Variants in LAMA4 observed in about 807,000 individuals in gnomAD.
LAMA4 encodes laminin subunit alpha 4.
A neutral mutation model predicts 207.1 loss-of-function variants in LAMA4; 127 were observed. That is an observed-to-expected ratio of 0.61 (90% CI 0.53 to 0.71). The LOEUF (loss-of-function observed/expected upper bound fraction) is 0.71, where lower values mean the gene tolerates loss of function less well. Ranked by LOEUF, LAMA4 falls within the 30% of genes least tolerant of loss-of-function variation. The pLI is 0.00. For missense variants in LAMA4, 2,093 were observed against 2,246.5 expected (o/e 0.93, Z 1.38); for synonymous variants, 761 against 816.0 (o/e 0.93, Z 1.15).
chr6:112,213,501 T>C (rs1489240080), intron 3 of LAMA4: 5 of 152,212 alleles, frequency 3.3e-5, no homozygotes, highest in African/African-American at 9.7e-5. Flanking sequence ...CCAGTTCTCA[T>C]AAGATGCAAA....
intron 14 of LAMA4, among the ~76,000 whole-genome samples, chr6:112,156,463 T>C (rs768084090): frequency 6.6e-6 from 1 of 152,224 alleles, no homozygotes; most frequent in Non-Finnish European, 1.5e-5. Flanking sequence ...ATTTCCTGAA[T>C]TGGGATTTTA....
At chr6:112,246,322 GT>G (rs1786920555) in intron 2 of LAMA4, among the ~76,000 whole-genome samples, 1 of 152,128 alleles carries the variant, frequency 6.6e-6, no homozygotes, top group Admixed American at 6.5e-5. Context: ...TAGCAATCTG[GT>G]TTTAATGGCT....
chr6:112,122,036 A>C lies in LAMA4; in HGVS notation c.4453T>G (p.Leu1485Val), dbSNP rs1443812377. ...TACTTGGCACCAAAATCTCCTTTTA[A>C]GTGTTCAAACTCTTGGCGGCTGTTG... ...TANSRQEFEH[L>V]KGDFGAKSQF... Residue 1485 changes from leucine (L) to valine (V), a missense_variant, in exon 32 of 39, where the codon TTA becomes GTA. By Grantham distance (32) the Leu-to-Val change is conservative (BLOSUM62 1). Coordinates refer to ENST00000230538, the MANE Select transcript of LAMA4 (RefSeq NM_001105206.3). 6.2e-7 allele frequency: 1 copy of C among 1,613,898 alleles called. No homozygotes were observed. Among genetic ancestry groups the C allele is most frequent in the Non-Finnish European group, 8.5e-7 (1 of 1,179,934 alleles).
rs541858161 is a variant in LAMA4, at chr6:112,178,442, C to T, written c.1078-210G>A. 3.8e-4 allele frequency: 210 copies of T among 554,052 alleles called. 1 individual carries two copies. In the South Asian group the frequency reaches 3.8e-3, roughly 10 times the overall value. 34.3% of individuals were successfully genotyped at this position (554,052 alleles called of 1,614,324 possible). A position where few individuals can be genotyped will look rare whatever the true frequency, so the allele number is the denominator to read the frequency against. On this transcript the variant is annotated intron_variant, in intron 9 of 38. Transcript: ENST00000230538. ...CTTTTAAAAAATTTTTTAATTTTTC[C>T]GTAAGTTATTGGGGTATAGGTGGTA...
chr6:112,232,414 G>T (rs922613027), intron 2 of LAMA4, among the ~76,000 whole-genome samples: 21 of 151,982 alleles, frequency 1.4e-4, no homozygotes, highest in Non-Finnish European at 2.5e-4. Flanking sequence ...TTATTTAAGG[G>T]TATTTTGTAT....
chr6:112,173,994 G>A (rs1402621523), intron 11 of LAMA4, among the ~76,000 whole-genome samples: 1 of 152,186 alleles, frequency 6.6e-6, no homozygotes, highest in African/African-American at 2.4e-5. Flanking sequence ...ATCTAAAGGT[G>A]GATCTAATAG....
chr6:112,171,857 G>T (rs1190162371), intron 12 of LAMA4: 1 of 152,226 alleles, frequency 6.6e-6, no homozygotes, highest in Non-Finnish European at 1.5e-5. Flanking sequence ...TAGTTTAAGT[G>T]GCTTTTGCCA....
At chr6:112,226,049 C>G (rs1280316314) in intron 2 of LAMA4, among the ~76,000 whole-genome samples, 3 of 152,170 alleles carry the variant, frequency 2.0e-5, no homozygotes, top group Non-Finnish European at 4.4e-5. Flanking sequence ...CTCTGAAATA[C>G]TACCAAGGAG....
intron 3 of LAMA4, among the ~76,000 whole-genome samples, chr6:112,210,954 A>G (rs555652483): frequency 6.6e-6 from 1 of 152,346 alleles, no homozygotes; most frequent in African/African-American, 2.4e-5. Flanking sequence ...ATTGGTATAT[A>G]TAGTCCACAT....
At chr6:112,137,972 G>C (rs1779454883) in intron 24 of LAMA4, among the ~76,000 whole-genome samples, 1 of 151,748 alleles carries the variant, frequency 6.6e-6, no homozygotes, top group Non-Finnish European at 1.5e-5. Flanking sequence ...TTTTTTTTGA[G>C]GACGGTTATA....
chr6:112,187,175 G>T, intron 8 of LAMA4: 2 of 527,186 alleles, frequency 3.8e-6, no homozygotes, highest in South Asian at 2.0e-5. Flanking sequence ...TTCCTCAGTA[G>T]TTTTGGGCAT....
intron 8 of LAMA4, among the ~76,000 whole-genome samples, chr6:112,187,089 T>C (rs6938044): frequency 0.6 from 90,798 of 152,128 alleles, 28,707 homozygotes; most frequent in African/African-American, 0.81. Flanking sequence ...AAGGAAATGG[T>C]AGCCTTGCAG....
chr6:112,170,728 T>C lies in LAMA4; in HGVS notation c.1551+1883A>G, dbSNP rs114786161. On this transcript the variant is annotated intron_variant, in intron 12 of 38. Transcript: ENST00000230538. ...AAAGAAGACAGATTCCCTTACTTTT[T>C]GGAGCCCTGAGTTCAATGGGGAAGA... Among the ~76,000 whole-genome samples the C allele has an allele frequency of 2.0e-3, 310 of 152,324 alleles. 3 individuals are homozygous for C. The highest frequency in any genetic ancestry group is 7.3e-3 in the African/African-American group (302 of 41,558).
intron 28 of LAMA4, among the ~76,000 whole-genome samples, chr6:112,131,389 C>T (rs1442367880): frequency 9.2e-5 from 14 of 152,066 alleles, no homozygotes. Flanking sequence ...AGTTACTTTC[C>T]TACTTTCAAT....
Position 112,158,838 on chromosome 6 carries a change from C to T in LAMA4, c.1711G>A (p.Glu571Lys), listed in dbSNP as rs1271908788. ...IYAEIDGAKS[E>K]LQVKLSNLSN... ...AGGTTAGATAGTTTTACTTGTAGTT[C>T]ACTTTTGGCTCCATCTATTTCTGCA... Residue 571 changes from glutamate to lysine, a missense_variant, in exon 14 of 39, where the codon GAA becomes AAA. This residue lies in a region of LAMA4 where 1,704 missense variants were observed against 1,788.4 expected (regional missense o/e 0.95). Transcript: ENST00000230538. The T allele has an allele frequency of 5.0e-6, 8 of 1,612,810 alleles. No individual in the cohort carries two copies. Among genetic ancestry groups the T allele is most frequent in the Non-Finnish European group, 6.8e-6 (8 of 1,179,024 alleles).
At chr6:112,134,415 G>T in intron 26 of LAMA4, 52 bp downstream of exon 26, 1 of 1,592,220 alleles carries the variant, frequency 6.3e-7, no homozygotes, top group Non-Finnish European at 8.6e-7. Context: ...CCTGGATGTT[G>T]CCAGCCCAGT....
At chr6:112,220,948 A>G (rs1006686467) in intron 2 of LAMA4, among the ~76,000 whole-genome samples, 2 of 152,160 alleles carry the variant, frequency 1.3e-5, no homozygotes, top group African/African-American at 2.4e-5. Context: ...TTAATTGCCC[A>G]CAAGCCACTA....
chr6:112,176,286 T>C (rs151158418), intron 10 of LAMA4, among the ~76,000 whole-genome samples: 3 of 152,290 alleles, frequency 2.0e-5, no homozygotes, highest in Non-Finnish European at 2.9e-5. Flanking sequence ...CTACTACATA[T>C]GATGAGAAGG....
At chr6:112,208,928 G>A (rs924856903) in intron 3 of LAMA4, among the ~76,000 whole-genome samples, 1 of 152,168 alleles carries the variant, frequency 6.6e-6, no homozygotes, top group Non-Finnish European at 1.5e-5. Context: ...ACAACAGGAT[G>A]TTAACATATT....
Sources: gnomAD v4.1 joint callset for allele counts (sites outside exome capture counted in the v4.1 genomes callset) on GRCh38, gnomAD v4.1.1 for gene constraint, gnomAD v4.1.1 regional missense constraint, MANE v1.5 for transcripts, NCBI Gene and HGNC (gene_info 2026-07-23, HGNC 2026-07-21) for gene names.